Variants in SEMA6D observed in about 807,000 individuals in gnomAD.
SEMA6D encodes the protein semaphorin 6D.
SEMA6D carries 35 observed loss-of-function variants against 106.6 expected under a neutral mutation model. That is an observed-to-expected ratio of 0.33 (90% CI 0.25 to 0.44). The LOEUF is 0.44. SEMA6D is among the 20% of genes least tolerant of loss of function. The pLI, the probability that SEMA6D is intolerant of heterozygous loss-of-function variation, is 1.00. For synonymous variants in SEMA6D, 499 were observed against 487.7 expected (o/e 1.02, Z -0.31); for missense variants, 1,185 against 1,345.9 (o/e 0.88, Z 1.87).
chr15:47,346,206 G>A (rs1249631496), intron 1 of SEMA6D, among the ~76,000 whole-genome samples: 1 of 152,050 alleles, frequency 6.6e-6, no homozygotes, highest in Non-Finnish European at 1.5e-5. Context: ...CATGGGTTAC[G>A]TTAATGTCTC....
At position 47,476,935 on chromosome 15, in the gene SEMA6D, C is replaced by G. The variant is rs535111278; in HGVS notation, c.-87+6390C>G. Among the ~76,000 whole-genome samples the G allele has an allele frequency of 3.3e-5, 5 of 152,210 alleles. No individual in the cohort carries two copies. The South Asian group carries it at 1.0e-3, about 32-fold the overall frequency. ...CTTGAAGAAACAGGAGACCGTAATA[C>G]TTAGTAGTCATGTAAAAGGATCATA... On this transcript the variant is annotated intron_variant, in intron 3 of 19. Coordinates refer to the SEMA6D transcript ENST00000558014.
chr15:47,303,057 A>G (rs1456238608), intron 1 of SEMA6D, among the ~76,000 whole-genome samples: 1 of 152,180 alleles, frequency 6.6e-6, no homozygotes, highest in Non-Finnish European at 1.5e-5. Context: ...CAGACTGAAG[A>G]TTCTGATTTA....
chr15:47,283,606 G>A (rs910123801), intron 1 of SEMA6D, among the ~76,000 whole-genome samples: 1 of 152,160 alleles, frequency 6.6e-6, no homozygotes, highest in African/African-American at 2.4e-5. Flanking sequence ...CAGAAAGAGA[G>A]CCAGGCCTCA....
chr15:47,513,371 A>G (rs2553214), intron 3 of SEMA6D, among the ~76,000 whole-genome samples: 1,871 of 152,268 alleles, frequency 0.012, 40 homozygotes, highest in African/African-American at 0.044. Flanking sequence ...TTGTCATGCA[A>G]TCTTACAGTA....
intron 1 of SEMA6D, among the ~76,000 whole-genome samples, chr15:47,243,555 T>A (rs1566947102): frequency 1.3e-5 from 2 of 152,106 alleles, no homozygotes; most frequent in Non-Finnish European, 2.9e-5. Context: ...TCAGTATTGT[T>A]TTGTTCAATG....
chr15:47,440,273 A>G lies in SEMA6D; in HGVS notation c.-159+27801A>G, dbSNP rs1458920673. Among the ~76,000 whole-genome samples the G allele has an allele frequency of 3.3e-5, 5 of 150,132 alleles. No homozygotes were observed. In the Admixed American group the frequency reaches 3.3e-4, roughly 10 times the overall value. ...AGATGGCTTCCATGAGTTAGGACAC[A>G]GGAGGCAAGAGATTATCCTCACCAT... On this transcript the variant is annotated intron_variant, in intron 2 of 19. Coordinates refer to the SEMA6D transcript ENST00000558014.
At chr15:47,383,854 A>G (rs2039726324) in intron 1 of SEMA6D, among the ~76,000 whole-genome samples, 1 of 152,166 alleles carries the variant, frequency 6.6e-6, no homozygotes, top group Non-Finnish European at 1.5e-5. Context: ...TTTAGCACAC[A>G]TTCAATTTCT....
At chr15:47,216,197 A>AT (rs932245254) in intron 1 of SEMA6D, among the ~76,000 whole-genome samples, 1 of 152,108 alleles carries the variant, frequency 6.6e-6, no homozygotes, top group African/African-American at 2.4e-5. Context: ...TTATAAAAAC[A>AT]TTTTTCATGA....
chr15:47,722,182 G>A (rs748093151), intron 1 of SEMA6D, among the ~76,000 whole-genome samples: 7 of 152,240 alleles, frequency 4.6e-5, no homozygotes, highest in East Asian at 3.9e-4. Flanking sequence ...CCACAGGAAA[G>A]ATTCTTGAGG....
intron 4 of SEMA6D, among the ~76,000 whole-genome samples, chr15:47,683,109 T>G (rs2078393804): frequency 2.0e-5 from 3 of 152,216 alleles, no homozygotes; most frequent in Admixed American, 2.0e-4. Context: ...GTTTGCTACA[T>G]AGATAAATTG....
chr15:47,261,114 A>G (rs2142080235), intron 1 of SEMA6D, among the ~76,000 whole-genome samples: 1 of 152,354 alleles, frequency 6.6e-6, no homozygotes, highest in African/African-American at 2.4e-5. Context: ...AAATAAGTCT[A>G]TGCCAGAAGT....
At chr15:47,697,387 C>G (rs956258645) in intron 4 of SEMA6D, among the ~76,000 whole-genome samples, 1 of 152,140 alleles carries the variant, frequency 6.6e-6, no homozygotes. Flanking sequence ...TGAACTCCCA[C>G]AAGAACTTCT....
intron 1 of SEMA6D, among the ~76,000 whole-genome samples, chr15:47,257,533 T>C (rs895176824): frequency 1.3e-5 from 2 of 152,212 alleles, no homozygotes; most frequent in Admixed American, 1.3e-4. Context: ...TTTAATAGAC[T>C]TTTTCTTTGA....
intron 4 of SEMA6D, among the ~76,000 whole-genome samples, chr15:47,627,779 G>A (rs1000724559): frequency 1.3e-5 from 2 of 151,990 alleles, no homozygotes; most frequent in African/African-American, 4.8e-5. Context: ...GTGCTGTCAA[G>A]ATAAGAGTAT....
chr15:47,196,099 A>C (rs753709644), intron 1 of SEMA6D, among the ~76,000 whole-genome samples: 1 of 151,482 alleles, frequency 6.6e-6, no homozygotes, highest in Non-Finnish European at 1.5e-5. Flanking sequence ...AGCATAGCCC[A>C]CACGTTGTAG....
At chr15:47,360,391 C>A (rs964106044) in intron 1 of SEMA6D, among the ~76,000 whole-genome samples, 1 of 152,196 alleles carries the variant, frequency 6.6e-6, no homozygotes, top group African/African-American at 2.4e-5. Flanking sequence ...TAACTGTTAG[C>A]CACAGTGTGA....
intron 1 of SEMA6D, among the ~76,000 whole-genome samples, chr15:47,271,555 A>G (rs2034564581): frequency 6.6e-6 from 1 of 152,208 alleles, no homozygotes; most frequent in Non-Finnish European, 1.5e-5. Context: ...CTCAGAGAAG[A>G]TAATAAACAT....
At chr15:47,300,431 G>T (rs933137550) in intron 1 of SEMA6D, among the ~76,000 whole-genome samples, 3 of 151,970 alleles carry the variant, frequency 2.0e-5, no homozygotes, top group Non-Finnish European at 4.4e-5. Context: ...GAGTCCTGGG[G>T]GGGTGGGCAG....
chr15:47,653,939 T>C (rs777420965), intron 4 of SEMA6D, among the ~76,000 whole-genome samples: 12 of 152,212 alleles, frequency 7.9e-5, no homozygotes, highest in Admixed American at 1.3e-4. Flanking sequence ...ACTTACATTG[T>C]TCCTGGCACT....
Sources: allele counts gnomAD v4.1 joint callset (sites outside exome capture counted in the v4.1 genomes callset), GRCh38; gene constraint gnomAD v4.1.1; transcripts MANE v1.5; gene names NCBI Gene and HGNC (gene_info 2026-07-23, HGNC 2026-07-21).